Variants in DCTD observed in about 807,000 individuals in gnomAD.
DCTD encodes the protein dCMP deaminase.
A neutral mutation model predicts 21.0 loss-of-function variants in DCTD; 23 were observed. That is an observed-to-expected ratio of 1.09 (90% CI 0.79 to 1.55). The LOEUF is 1.55. Among genes scored for constraint, DCTD ranks in the 40% most tolerant of loss-of-function variants. DCTD has a pLI of 0.00. For missense variants in DCTD, 224 were observed against 230.0 expected (o/e 0.97, Z 0.17); for synonymous variants, 71 against 81.1 (o/e 0.88, Z 0.67).
At chr4:182,916,991 C>T (rs1738856376) in intron 1 of DCTD, 6 of 990,690 alleles carry the variant, frequency 6.1e-6, no homozygotes, top group Non-Finnish European at 6.0e-6. Flanking sequence ...GCATTCCCAA[C>T]CCACACACGG....
At chr4:182,902,585 C>T (rs1026110952) in intron 3 of DCTD, among the ~76,000 whole-genome samples, 2 of 152,246 alleles carry the variant, frequency 1.3e-5, no homozygotes, top group Non-Finnish European at 2.9e-5. Context: ...AGACAGAGCC[C>T]TGTCCCCCAC....
Position 182,917,036 on chromosome 4 carries a change from A to C in DCTD, c.-8+275T>G. The C allele has an allele frequency of 1.0e-6, 1 of 987,844 alleles. No individual in the cohort carries two copies. Among genetic ancestry groups the C allele is most frequent in the Non-Finnish European group, 1.2e-6 (1 of 831,826 alleles). 61.2% of individuals were successfully genotyped at this position (987,844 alleles called of 1,614,324 possible). A position where few individuals can be genotyped will look rare whatever the true frequency, so the allele number is the denominator to read the frequency against. ...GGGATGTGGTGTTCAGACGCCCAGCACCACCTCCCGGGGCACTCCAAGGGG... is the reference window on the plus strand; with the variant it reads ...GGGATGTGGTGTTCAGACGCCCAGCCCCACCTCCCGGGGCACTCCAAGGGG... On this transcript the variant is annotated intron_variant, in intron 1 of 5. Transcript: ENST00000438320. The surrounding 1 kb of genome is among the most constrained non-coding windows in gnomAD (Gnocchi z 4.9).
At chr4:182,906,877 C>A (rs137872019) in intron 3 of DCTD, among the ~76,000 whole-genome samples, 141 of 152,356 alleles carry the variant, frequency 9.3e-4, no homozygotes, top group Admixed American at 2.3e-3. Flanking sequence ...ACCGACCCTT[C>A]AGACAGCATC....
chr4:182,891,528 T>C (rs368507834), intron 5 of DCTD, 51 bp from the exon 6 acceptor site: 254 of 1,258,128 alleles, frequency 2.0e-4, no homozygotes, highest in Non-Finnish European at 2.6e-4. Context: ...GTGAAAGCAA[T>C]TTGTTTACTT....
chr4:182,893,202 A>G, intron 4 of DCTD, 75 bp from the exon 5 acceptor site: 2 of 841,170 alleles, frequency 2.4e-6, no homozygotes, highest in South Asian at 1.4e-5. Context: ...AAGCAGCTGG[A>G]GCACTTTCAG....
intron 3 of DCTD, among the ~76,000 whole-genome samples, chr4:182,910,354 C>T (rs1163466638): frequency 6.6e-6 from 1 of 152,218 alleles, no homozygotes; most frequent in Non-Finnish European, 1.5e-5. Flanking sequence ...TAAACTATAT[C>T]ATCAAAATCG....
At chr4:182,896,113 T>C (rs934054572) in intron 3 of DCTD, among the ~76,000 whole-genome samples, 2 of 152,046 alleles carry the variant, frequency 1.3e-5, no homozygotes, top group Admixed American at 6.5e-5. Context: ...CTTCCAGGAG[T>C]TCTGAGGCCT....
At position 182,893,213 on chromosome 4, in the gene DCTD, C is replaced by T. The variant is rs775040349; in HGVS notation, c.362-86G>A. 44 of 786,904 alleles carry T rather than the reference C, an allele frequency of 5.6e-5. No individual in the cohort carries two copies. The Middle Eastern group carries it at 8.9e-4, about 16-fold the overall frequency. 48.7% of individuals were successfully genotyped at this position (786,904 alleles called of 1,614,324 possible). A position where few individuals can be genotyped will look rare whatever the true frequency, so the allele number is the denominator to read the frequency against. On this transcript the variant is annotated intron_variant, in intron 4 of 5. Transcript: ENST00000438320. ...GCGGAAGCAGCTGGAGCACTTTCAG[C>T]GTCTATGATTAATGACCTTTTCTGA...
In DCTD at chr4:182,907,597, G is replaced by A. The variant is rs141921167; in HGVS notation, c.244+7326C>T. Among the ~76,000 whole-genome samples the A allele has an allele frequency of 4.3e-3, 658 of 151,880 alleles. 3 individuals carry two copies. Among genetic ancestry groups the A allele is most frequent in the African/African-American group, 0.012 (498 of 41,404 alleles). The stretch of plus-strand genomic sequence containing the variant: ...CTTAGAACTGCGCCAGTCTTTAATC[G>A]TTAGAGGAGGGAGGGAAAGGCGCCT... On this transcript the variant is annotated intron_variant, in intron 3 of 5. Coordinates refer to ENST00000438320, the MANE Select transcript of DCTD (RefSeq NM_001921.3).
chr4:182,901,775 AT>A (rs1348719090), intron 3 of DCTD, among the ~76,000 whole-genome samples: 1 of 144,446 alleles, frequency 6.9e-6, no homozygotes, highest in African/African-American at 2.8e-5. Flanking sequence ...TGACCTGTGC[AT>A]TAAAAAAAAA....
intron 3 of DCTD, among the ~76,000 whole-genome samples, chr4:182,905,294 G>T (rs1020892500): frequency 2.0e-5 from 3 of 150,628 alleles, no homozygotes; most frequent in Non-Finnish European, 4.4e-5. Flanking sequence ...AGGCCTCTTG[G>T]CAGCCTCCGA....
intron 5 of DCTD, among the ~76,000 whole-genome samples, chr4:182,892,282 T>G (rs1276154808): frequency 6.6e-6 from 1 of 152,202 alleles, no homozygotes; most frequent in Non-Finnish European, 1.5e-5. Flanking sequence ...CAAAGGTAGT[T>G]GAACTTACTT....
intron 3 of DCTD, among the ~76,000 whole-genome samples, chr4:182,902,659 A>T (rs1054809940): frequency 1.1e-4 from 16 of 152,234 alleles, no homozygotes; most frequent in Admixed American, 9.8e-4. Context: ...AAACTTTCGC[A>T]GTTTCCCAGG....
chr4:182,914,072 G>A (rs189799421), intron 3 of DCTD, among the ~76,000 whole-genome samples: 1 of 152,218 alleles, frequency 6.6e-6, no homozygotes, highest in Non-Finnish European at 1.5e-5. Flanking sequence ...CAGTGGCGCA[G>A]TCTTGGCTCA....
intron 3 of DCTD, among the ~76,000 whole-genome samples, chr4:182,901,005 T>C (rs779947042): frequency 6.6e-6 from 1 of 152,216 alleles, no homozygotes; most frequent in Non-Finnish European, 1.5e-5. Context: ...CTGTCTCATG[T>C]AGGCGGTTCT....
At chr4:182,904,203 G>A (rs558994823) in intron 3 of DCTD, among the ~76,000 whole-genome samples, 1 of 152,240 alleles carries the variant, frequency 6.6e-6, no homozygotes, top group African/African-American at 2.4e-5. Flanking sequence ...TTCTGACTGT[G>A]GTAAGGCCAT....
intron 3 of DCTD, among the ~76,000 whole-genome samples, chr4:182,904,948 G>A (rs191299091): frequency 6.6e-6 from 1 of 152,118 alleles, no homozygotes; most frequent in African/African-American, 2.4e-5. Flanking sequence ...TCTCTGTCTT[G>A]GACTATTCCC....
intron 3 of DCTD, among the ~76,000 whole-genome samples, chr4:182,901,627 G>C (rs1210973728): frequency 6.6e-6 from 1 of 152,152 alleles, no homozygotes; most frequent in Non-Finnish European, 1.5e-5. Context: ...CAAGACAAGG[G>C]TCAGGACTCG....
intron 3 of DCTD, among the ~76,000 whole-genome samples, chr4:182,896,350 C>G (rs181405050): frequency 2.0e-5 from 3 of 152,370 alleles, no homozygotes; most frequent in Admixed American, 2.0e-4. Flanking sequence ...CAAAAGCTCT[C>G]TCAGGAAATG....
Sources: allele counts gnomAD v4.1 joint callset (sites outside exome capture counted in the v4.1 genomes callset), GRCh38; gene constraint gnomAD v4.1.1; non-coding constraint Gnocchi (gnomAD v3.1); transcripts MANE v1.5; gene names NCBI Gene and HGNC (gene_info 2026-07-23, HGNC 2026-07-21).